Variants in LRRC42 observed in about 807,000 individuals in gnomAD.
LRRC42 encodes leucine rich repeat containing 42.
LRRC42 carries 43 observed loss-of-function variants against 44.3 expected under a neutral mutation model. That is an observed-to-expected ratio of 0.97 (90% confidence interval 0.76 to 1.25). LRRC42 has a LOEUF of 1.25. Ranked by LOEUF, LRRC42 falls within the 50% of genes most tolerant of loss-of-function variation. The pLI, the probability that LRRC42 is intolerant of heterozygous loss-of-function variation, is 0.00. For missense variants in LRRC42, 540 were observed against 509.1 expected (o/e 1.06, Z -0.58); for synonymous variants, 207 against 195.2 (o/e 1.06, Z -0.50).
At chr1:53,958,568 C>T (rs113109415) in intron 4 of LRRC42, among the ~76,000 whole-genome samples, 4 of 151,790 alleles carry the variant, frequency 2.6e-5, no homozygotes, top group African/African-American at 9.7e-5. Flanking sequence ...GTGGTTTTGC[C>T]CCTTATTTAT....
intron 3 of LRRC42, among the ~76,000 whole-genome samples, chr1:53,955,613 C>T (rs1047891233): frequency 4.0e-5 from 6 of 148,410 alleles, no homozygotes; most frequent in Non-Finnish European, 6.0e-5. Flanking sequence ...ATATAGGAAA[C>T]AATTTTAACA....
At chr1:53,949,385 TCA>T (rs1654609493) in intron 2 of LRRC42, among the ~76,000 whole-genome samples, 1 of 152,214 alleles carries the variant, frequency 6.6e-6, no homozygotes, top group Non-Finnish European at 1.5e-5. Context: ...CTCAGGGAGT[TCA>T]CAGTGTATTC....
At chr1:53,966,451 C>T in intron 8 of LRRC42, 71 bp downstream of exon 8, 1 of 1,063,562 alleles carries the variant, frequency 9.4e-7, no homozygotes, top group Non-Finnish European at 1.5e-6. Context: ...GCTTGTTTTC[C>T]CTCCTTGGAA....
chr1:53,968,041 A>T lies in LRRC42; in HGVS notation c.*102A>T. 2 of 1,187,470 alleles carry T rather than the reference A, an allele frequency of 1.7e-6. No homozygotes were observed. The highest frequency in any genetic ancestry group is 3.1e-5 in the African/African-American group (2 of 65,392). 73.6% of individuals were successfully genotyped at this position (1,187,470 alleles called of 1,614,324 possible). ...TTTGTTTGAATTTACCTATGGCATT[A>T]GCATAGTAAGCAGATATTTCTACTT... On this transcript the variant is annotated 3_prime_UTR_variant, in exon 9 of 9. Coordinates refer to ENST00000371370, the MANE Select transcript of LRRC42 (RefSeq NM_001256409.2).
In LRRC42 at chr1:53,962,284, C is replaced by T; in HGVS notation, c.814-12C>T. On this transcript the variant is annotated splice_polypyrimidine_tract_variant and intron_variant, in intron 6 of 8. Transcript: ENST00000371370. ...ATGTATTTGCATTTCTGATCTGTCTCTGCCTCACTAGGACATCAAAACCGT... is the reference window on the plus strand; with the variant it reads ...ATGTATTTGCATTTCTGATCTGTCTTTGCCTCACTAGGACATCAAAACCGT... 1.9e-6 allele frequency: 3 copies of T among 1,595,732 alleles called. No individual in the cohort carries two copies. Among genetic ancestry groups the T allele is most frequent in the Non-Finnish European group, 2.6e-6 (3 of 1,163,348 alleles).
intron 8 of LRRC42, among the ~76,000 whole-genome samples, chr1:53,967,428 A>G (rs916102746): frequency 1.3e-5 from 2 of 152,306 alleles, no homozygotes; most frequent in African/African-American, 4.8e-5. Flanking sequence ...ACCCACGGTC[A>G]CTTCTAGGAA....
At chr1:53,967,252 C>T (rs1199435945) in intron 8 of LRRC42, among the ~76,000 whole-genome samples, 5 of 152,142 alleles carry the variant, frequency 3.3e-5, no homozygotes, top group Non-Finnish European at 7.4e-5. Context: ...AGAGTCAAAT[C>T]CAGATTTCGA....
rs184766883 is a variant in LRRC42, at chr1:53,958,743, C to T, written c.605+463C>T. ...CTGGGATTACAGGCATGCACCACCACGCCCAGCTAATTTTGTATTTTTAGT... is the reference window on the plus strand; with the variant it reads ...CTGGGATTACAGGCATGCACCACCATGCCCAGCTAATTTTGTATTTTTAGT... On this transcript the variant is annotated intron_variant, in intron 4 of 8. Coordinates refer to ENST00000371370, the MANE Select transcript of LRRC42 (RefSeq NM_001256409.2). 9.2e-3 allele frequency among the ~76,000 whole-genome samples: 1,406 copies of T among 152,178 alleles called. 26 individuals carry two copies. The highest frequency in any genetic ancestry group is 0.032 in the African/African-American group (1,346 of 41,530).
Position 53,967,716 on chromosome 1 carries a change from C to A in LRRC42, c.1064C>A (p.Thr355Asn). 2 of 1,614,132 alleles carry A rather than the reference C, an allele frequency of 1.2e-6. No individual in the cohort carries two copies. The highest frequency in any genetic ancestry group is 2.2e-5 in the East Asian group (1 of 44,882). The change falls in exon 9 of 9, where the codon ACC becomes AAC. Residue 355 changes from threonine to asparagine, a missense_variant. Physicochemically the swap from Thr to Asn is moderately conservative, Grantham distance 65 (BLOSUM62 0). Transcript: ENST00000371370. ...CCACTGAAGTGTCCCCTGGCAGACA[C>A]CCACATGAACTCTTCCGAGAAACTC... is the stretch of plus-strand genomic sequence containing the variant. ...EAPLKCPLAD[T>N]HMNSSEKLQF...
chr1:53,958,896 A>C (rs1654921156), intron 4 of LRRC42, among the ~76,000 whole-genome samples: 1 of 144,252 alleles, frequency 6.9e-6, no homozygotes, highest in South Asian at 2.2e-4. Flanking sequence ...CTATTTATTT[A>C]TTTCTTTAGA....
At chr1:53,961,288 G>A (rs767648761) in intron 5 of LRRC42, among the ~76,000 whole-genome samples, 1 of 152,094 alleles carries the variant, frequency 6.6e-6, no homozygotes, top group Non-Finnish European at 1.5e-5. Flanking sequence ...GCCGGCACCT[G>A]TAGTCCCAGC....
Position 53,958,273 on chromosome 1 carries a change from C to G in LRRC42, c.598C>G (p.Leu200Val), listed in dbSNP as rs746317436. ...TCTAGAACATCTCACCAATGAAGCC[C>G]TGTCTAGGTACTGACCTGTCACCAC... ...ELLEHLTNEA[L>V]SSVTQLHLKD... Residue 200 changes from leucine to valine, a missense_variant, in exon 4 of 9, where the codon CTG (leucine) becomes GTG (valine). Leu to Val is a conservative substitution (Grantham distance 32). Transcript: ENST00000371370. The G allele has an allele frequency of 2.5e-6, 4 of 1,613,602 alleles. No homozygotes were observed. The highest frequency in any genetic ancestry group is 3.4e-6 in the Non-Finnish European group (4 of 1,179,624).
At chr1:53,958,087 A>C in intron 3 of LRRC42, 62 bp from the exon 4 acceptor site, 1 of 1,599,978 alleles carries the variant, frequency 6.3e-7, no homozygotes, top group African/African-American at 1.3e-5. Context: ...ATACAAATCC[A>C]CAAATGGTAA....
chr1:53,958,367 T>G, intron 4 of LRRC42, 87 bp downstream of exon 4: 1 of 1,513,240 alleles, frequency 6.6e-7, no homozygotes, highest in Non-Finnish European at 9.0e-7. Context: ...GAATGCTGAT[T>G]ACTTCCCATT....
At chr1:53,952,807 A>C (rs1449314021) in intron 3 of LRRC42, among the ~76,000 whole-genome samples, 9 of 152,176 alleles carry the variant, frequency 5.9e-5, no homozygotes, top group Non-Finnish European at 1.3e-4. Context: ...ACAGATGGGG[A>C]GATTAGTACC....
intron 1 of LRRC42, among the ~76,000 whole-genome samples, chr1:53,947,199 C>T (rs540845248): frequency 3.3e-5 from 5 of 151,832 alleles, no homozygotes; most frequent in Non-Finnish European, 5.9e-5. Flanking sequence ...AGCAAGCCAC[C>T]TTTCACCAGG....
intron 6 of LRRC42, 28 bp downstream of exon 6, chr1:53,962,150 T>A (rs890958801): frequency 1.9e-6 from 3 of 1,573,510 alleles, no homozygotes; most frequent in Non-Finnish European, 1.7e-6. Context: ...TTCTCTCATT[T>A]TTCTAGACTC....
intron 8 of LRRC42, among the ~76,000 whole-genome samples, chr1:53,967,171 G>A (rs1404826842): frequency 1.3e-5 from 2 of 152,146 alleles, no homozygotes; most frequent in Non-Finnish European, 2.9e-5. Flanking sequence ...GAAATGTAAA[G>A]GTACTAAATA....
intron 4 of LRRC42, among the ~76,000 whole-genome samples, chr1:53,959,919 CTTT>C (rs767888306): frequency 3.7e-5 from 5 of 136,606 alleles, no homozygotes; most frequent in Non-Finnish European, 3.2e-5. Context: ...ACCAAAAAAT[CTTT>C]TTTTTTTTTT....
Sources: gnomAD v4.1 joint callset for allele counts (sites outside exome capture counted in the v4.1 genomes callset) on GRCh38, gnomAD v4.1.1 for gene constraint, MANE v1.5 for transcripts, NCBI Gene and HGNC (gene_info 2026-07-23, HGNC 2026-07-21) for gene names.